The following SYT16 variants were observed in gnomAD, a reference collection of about 807,000 sequenced individuals.
SYT16 encodes the protein synaptotagmin-16.
SYT16 carries 42 observed loss-of-function variants against 61.4 expected under a neutral mutation model. That is an observed-to-expected ratio of 0.68 (90% CI 0.53 to 0.89). SYT16 has a LOEUF of 0.89. Ranked by LOEUF, SYT16 falls within the 40% of genes least tolerant of loss-of-function variation. SYT16 has a pLI of 0.00. For synonymous variants in SYT16, 314 were observed against 302.3 expected (o/e 1.04, Z -0.40); for missense variants, 804 against 807.3 (o/e 1.00, Z 0.05).
chr14:62,047,789 G>A lies in SYT16; in HGVS notation c.524-21814G>A, dbSNP rs1439728111. On this transcript the variant is annotated intron_variant, in intron 3 of 7. Transcript: ENST00000683842. ...TGCTGGATTACGTTTATTGATTTGT[G>A]TATGTTGAACCAGCCTTGCATCCCA... Among the ~76,000 whole-genome samples the A allele has an allele frequency of 5.3e-5, 8 of 152,270 alleles. No homozygotes were observed. In the East Asian group the frequency reaches 1.2e-3, roughly 22 times the overall value.
chr14:61,816,072 T>C (rs1013468479), intron 1 of SYT16, among the ~76,000 whole-genome samples: 1 of 152,210 alleles, frequency 6.6e-6, no homozygotes, highest in African/African-American at 2.4e-5. Flanking sequence ...CATTTGGTAT[T>C]GTAAAAGGAG....
chr14:62,011,916 C>T (rs542706429), intron 3 of SYT16, among the ~76,000 whole-genome samples: 1 of 101,282 alleles, frequency 9.9e-6, no homozygotes, highest in Non-Finnish European at 1.9e-5. Flanking sequence ...TATATATACA[C>T]ACACACACAC....
chr14:61,948,284 T>C (rs2050529456), intron 1 of SYT16, among the ~76,000 whole-genome samples: 1 of 152,124 alleles, frequency 6.6e-6, no homozygotes, highest in East Asian at 1.9e-4. Context: ...AAATCATCTC[T>C]ATCTGAACCT....
At chr14:62,053,874 G>A (rs1466899422) in intron 3 of SYT16, among the ~76,000 whole-genome samples, 3 of 152,284 alleles carry the variant, frequency 2.0e-5, no homozygotes, top group East Asian at 1.9e-4. Flanking sequence ...GTGGTTGAAT[G>A]CCTAAAAAGT....
intron 1 of SYT16, among the ~76,000 whole-genome samples, chr14:61,848,801 C>T (rs2046522423): frequency 6.6e-6 from 1 of 152,102 alleles, no homozygotes; most frequent in East Asian, 1.9e-4. Flanking sequence ...AGGGCTTGAC[C>T]CTTTTGTGAC....
intron 7 of SYT16, among the ~76,000 whole-genome samples, chr14:62,089,515 A>T (rs79220517): frequency 1.2e-3 from 8 of 6,520 alleles, no homozygotes; most frequent in East Asian, 0.016. Context: ...GTGATTTTTT[A>T]AAAAAAATCA....
At chr14:61,842,724 A>G (rs899525028) in intron 1 of SYT16, among the ~76,000 whole-genome samples, 1 of 150,310 alleles carries the variant, frequency 6.7e-6, no homozygotes, top group Non-Finnish European at 1.5e-5. Context: ...GAATTGAACA[A>G]TGAGAACACA....
chr14:62,006,530 C>T (rs73262212), intron 3 of SYT16, among the ~76,000 whole-genome samples: 1,902 of 152,216 alleles, frequency 0.012, 43 homozygotes, highest in African/African-American at 0.041. Flanking sequence ...GGATGCTGAA[C>T]GCTTTTTGTA....
At position 61,961,503 on chromosome 14, in the gene SYT16, G is replaced by A. The variant is rs151035083; in HGVS notation, c.-324-8629G>A. On this transcript the variant is annotated intron_variant, in intron 1 of 7. Coordinates refer to ENST00000683842, the MANE Select transcript of SYT16 (RefSeq NM_001367656.1). ...CAAAAGACATACACGTGGCCAACAAGTAAGTGAAAAAATGCTCAATGTCAC... is the reference window on the plus strand; with the variant it reads ...CAAAAGACATACACGTGGCCAACAAATAAGTGAAAAAATGCTCAATGTCAC... 3.1e-3 allele frequency among the ~76,000 whole-genome samples: 472 copies of A among 152,162 alleles called. 4 individuals are homozygous for A. The highest frequency in any genetic ancestry group is 0.011 in the African/African-American group (442 of 41,528).
intron 1 of SYT16, among the ~76,000 whole-genome samples, chr14:61,938,881 T>C (rs1477903121): frequency 6.6e-6 from 1 of 152,214 alleles, no homozygotes; most frequent in Non-Finnish European, 1.5e-5. Flanking sequence ...ACGCCTGTAA[T>C]TCCAGCACTT....
chr14:62,094,686 G>A (rs958122754), intron 7 of SYT16, among the ~76,000 whole-genome samples: 2 of 151,970 alleles, frequency 1.3e-5, no homozygotes, highest in Non-Finnish European at 2.9e-5. Context: ...CAGGAAAATA[G>A]CAAATATTCT....
chr14:61,910,886 A>G (rs2048909778), intron 1 of SYT16, among the ~76,000 whole-genome samples: 3 of 152,226 alleles, frequency 2.0e-5, no homozygotes, highest in African/African-American at 7.2e-5. Context: ...AGGCAAGGTA[A>G]TAAACCTCCC....
At chr14:61,898,741 A>G (rs1239460473) in intron 1 of SYT16, among the ~76,000 whole-genome samples, 1 of 152,108 alleles carries the variant, frequency 6.6e-6, no homozygotes, top group Non-Finnish European at 1.5e-5. Flanking sequence ...TATGACAGGG[A>G]CGGTCTCTGC....
In SYT16 at chr14:62,111,114, G is replaced by A. The variant is rs2057600757; in HGVS notation, c.*10407G>A. On this transcript the variant is annotated 3_prime_UTR_variant, in exon 8 of 8. Transcript: ENST00000683842. Reference sequence around the variant, plus strand: ...TTCTCAATATTTTTGGTCTTCATATGGCATCTGAAACAGTTGTTCACATTC... The same window carrying A: ...TTCTCAATATTTTTGGTCTTCATATAGCATCTGAAACAGTTGTTCACATTC... 1 of 151,994 alleles carries A rather than the reference G, an allele frequency of 6.6e-6. No individual in the cohort carries two copies. Among genetic ancestry groups the A allele is most frequent in the Non-Finnish European group, 1.5e-5 (1 of 67,914 alleles). 9.4% of individuals were successfully genotyped at this position (151,994 alleles called of 1,614,324 possible).
chr14:62,085,848 A>G (rs1483416893), intron 7 of SYT16, among the ~76,000 whole-genome samples: 1 of 152,204 alleles, frequency 6.6e-6, no homozygotes, highest in African/African-American at 2.4e-5. Flanking sequence ...TTTTTGCTAG[A>G]TACCAATTTG....
At chr14:61,813,053 C>T (rs1008526830) in intron 1 of SYT16, among the ~76,000 whole-genome samples, 5 of 152,244 alleles carry the variant, frequency 3.3e-5, no homozygotes, top group African/African-American at 9.6e-5. Flanking sequence ...CCCTCGATGC[C>T]GTGTGGCAGC....
rs369414744 is a variant in SYT16 at position 62,075,182 on chromosome 14, G to C, written c.784G>C (p.Gly262Arg). The stretch of plus-strand genomic sequence containing the variant: ...GCGTTATTCTGAGAATCTCTCCTAC[G>C]GTGAAGATGACCACATCCCTGCTCA... ...QRRYSENLSY[G>R]EDDHIPAHSQ... is the part of the protein sequence containing the mutation. Residue 262 changes from glycine to arginine, a missense_variant, in exon 5 of 8, where the codon GGT becomes CGT. By Grantham distance (125) the Gly-to-Arg change is moderately radical. Transcript: ENST00000683842. 1 of 1,612,610 alleles carries C rather than the reference G, an allele frequency of 6.2e-7. No homozygotes were observed. Among genetic ancestry groups the C allele is most frequent in the Non-Finnish European group, 8.5e-7 (1 of 1,179,326 alleles).
intron 1 of SYT16, among the ~76,000 whole-genome samples, chr14:61,852,767 T>A (rs933219873): frequency 1.3e-5 from 2 of 152,234 alleles, no homozygotes; most frequent in Non-Finnish European, 2.9e-5. Context: ...CATGTTGGTT[T>A]TGTATCCTGA....
intron 3 of SYT16, among the ~76,000 whole-genome samples, chr14:62,065,954 A>C (rs1422006361): frequency 6.6e-6 from 1 of 152,220 alleles, no homozygotes; most frequent in Non-Finnish European, 1.5e-5. Context: ...TTAGGTTTTC[A>C]AGCCCTACTG....
Sources: allele counts gnomAD v4.1 joint callset (sites outside exome capture counted in the v4.1 genomes callset), GRCh38; gene constraint gnomAD v4.1.1; transcripts MANE v1.5; gene names NCBI Gene and HGNC (gene_info 2026-07-23, HGNC 2026-07-21).